Variants in UIMC1 observed in about 807,000 individuals in gnomAD.
UIMC1 encodes the protein ubiquitin interaction motif containing 1, also known as BRCA1-A complex subunit RAP80.
Under a neutral mutation model 84.9 loss-of-function variants are expected in UIMC1, and 42 were observed. That is an observed-to-expected ratio of 0.49 (90% CI 0.39 to 0.64). The LOEUF (loss-of-function observed/expected upper bound fraction) is 0.64. UIMC1 is among the 30% of genes least tolerant of loss of function. UIMC1 has a pLI of 0.00. For synonymous variants in UIMC1, 281 were observed against 293.0 expected, an observed-to-expected ratio of 0.96 and a Z score of 0.42; for missense variants, 825 against 847.6, an observed-to-expected ratio of 0.97 and a Z score of 0.33.
rs147454496 is a variant in UIMC1, at chr5:176,943,414, C to T, written c.1518G>A (p.Pro506=). Residue 506 remains proline, a synonymous_variant, in exon 10 of 15, where the codon CCG becomes CCA. Coordinates refer to ENST00000511320, the MANE Select transcript of UIMC1 (RefSeq NM_001199298.2). ...TFSSSNQVSC[P]LCDQCFPPTK... ...TGGGTGGAAAGCATTGGTCACATAG[C>T]GGGCAGGATACCTGGTTACTGGATG... 18 of 1,614,044 alleles carry T rather than the reference C, an allele frequency of 1.1e-5. No individual in the cohort carries two copies. Among genetic ancestry groups the T allele is most frequent in the South Asian group, 7.7e-5 (7 of 91,088 alleles).
intron 10 of UIMC1, among the ~76,000 whole-genome samples, chr5:176,914,799 G>C (rs535362479): frequency 6.6e-6 from 1 of 152,336 alleles, no homozygotes; most frequent in Non-Finnish European, 1.5e-5. Flanking sequence ...TTCCAATGCA[G>C]AGATTTTATA....
At chr5:176,991,101 A>C (rs1772774700) in intron 1 of UIMC1, among the ~76,000 whole-genome samples, 1 of 151,864 alleles carries the variant, frequency 6.6e-6, no homozygotes, top group Admixed American at 6.6e-5. Context: ...TCTGCCTCCC[A>C]GGTTCACACC....
At chr5:176,994,497 C>A in intron 1 of UIMC1, among the ~76,000 whole-genome samples, 1 of 128,486 alleles carries the variant, frequency 7.8e-6, no homozygotes. Context: ...CTTTGGAAAA[C>A]TGGCAGTTTC....
chr5:176,923,916 CACACACACACAG>C (rs1243152233), intron 10 of UIMC1, among the ~76,000 whole-genome samples: 11 of 150,046 alleles, frequency 7.3e-5, no homozygotes, highest in African/African-American at 2.5e-4. Flanking sequence ...CACACACACA[CACACACACACAG>C]ACACACACAC....
At chr5:176,932,238 G>A (rs1216274731) in intron 10 of UIMC1, among the ~76,000 whole-genome samples, 1 of 152,174 alleles carries the variant, frequency 6.6e-6, no homozygotes, top group Non-Finnish European at 1.5e-5. Flanking sequence ...CTTTATAGCT[G>A]ATAAGACCTA....
At chr5:176,967,019 T>C (rs1230491950) in intron 6 of UIMC1, among the ~76,000 whole-genome samples, 1 of 152,122 alleles carries the variant, frequency 6.6e-6, no homozygotes, top group Non-Finnish European at 1.5e-5. Flanking sequence ...CTGGCAAAGA[T>C]CAAGAAGTCT....
intron 1 of UIMC1, among the ~76,000 whole-genome samples, chr5:177,018,265 G>A (rs973566212): frequency 3.3e-5 from 5 of 151,686 alleles, no homozygotes; most frequent in African/African-American, 9.7e-5. Context: ...GCGGAGAATT[G>A]TTTGAACCTG....
At chr5:176,957,994 C>T (rs922907644) in intron 7 of UIMC1, 99 bp downstream of exon 7, 1 of 1,116,728 alleles carries the variant, frequency 9.0e-7, no homozygotes, top group African/African-American at 1.6e-5. Flanking sequence ...GCTAAAAGTT[C>T]TCTGGCAAGC....
chr5:176,989,161 G>A (rs1266314752), intron 1 of UIMC1, among the ~76,000 whole-genome samples: 1 of 151,896 alleles, frequency 6.6e-6, no homozygotes, highest in Non-Finnish European at 1.5e-5. Context: ...ATTATCAGAA[G>A]TAGTCTGTAC....
intron 10 of UIMC1, 82 bp from the exon 11 acceptor site, chr5:176,911,471 G>A: frequency 3.0e-6 from 3 of 1,016,728 alleles, no homozygotes; most frequent in Non-Finnish European, 3.9e-6. Context: ...TGCACAGGAA[G>A]AAGCAAAGTT....
At chr5:177,010,251 C>G (rs1224549953), upstream of UIMC1, among the ~76,000 whole-genome samples, 1 of 152,112 alleles carries the variant, frequency 6.6e-6, no homozygotes, top group African/African-American at 2.4e-5. Context: ...CATGTATCAT[C>G]ACGCATAGAC....
In UIMC1 at chr5:176,911,162, AAAG is replaced by A. The variant is rs751857574; in HGVS notation, c.1676+146_1676+148del. On this transcript the variant is annotated intron_variant, in intron 11 of 14. Transcript: ENST00000511320. The stretch of plus-strand genomic sequence containing the variant: ...AAAGAAAAGAAAAGAAAAGAAAAGA[AAAG>A]AAAAGAAAAGAAAATTCAGGCATCC... The A allele has an allele frequency of 2.6e-5, 8 of 311,558 alleles. 1 individual carries two copies. Among genetic ancestry groups the A allele is most frequent in the Non-Finnish European group, 4.3e-5 (8 of 186,338 alleles). The allele number at this position is 311,558 out of a possible 1,614,324, so 19.3% of individuals were successfully genotyped here. A position where few individuals can be genotyped will look rare whatever the true frequency, so the allele number is the denominator to read the frequency against.
intron 5 of UIMC1, 89 bp downstream of exon 5, chr5:176,969,512 G>C (rs574582617): frequency 9.4e-6 from 13 of 1,378,218 alleles, no homozygotes; most frequent in East Asian, 2.3e-5. Flanking sequence ...AAAGGATCTG[G>C]GGTATTTCCG....
chr5:177,006,923 A>G (rs897512124), upstream of UIMC1, among the ~76,000 whole-genome samples: 4 of 152,224 alleles, frequency 2.6e-5, no homozygotes, highest in African/African-American at 9.6e-5. Context: ...GGGGAAAGCA[A>G]GGAGTAACAA....
rs538767133 is a variant in UIMC1 at position 176,963,966 on chromosome 5, C to A, written c.1200+4589G>T. On this transcript the variant is annotated intron_variant, in intron 6 of 14. Transcript: ENST00000511320. ...CTTGTCATAATGCTCTCAAGGTGATCTACAGGCCTTCATTAGCAACTTTAT... is the reference window on the plus strand; with the variant it reads ...CTTGTCATAATGCTCTCAAGGTGATATACAGGCCTTCATTAGCAACTTTAT... 1.7e-4 allele frequency among the ~76,000 whole-genome samples: 26 copies of A among 152,260 alleles called. 1 individual carries two copies. Among genetic ancestry groups the A allele is most frequent in the Admixed American group, 4.6e-4 (7 of 15,290 alleles).
In UIMC1 at chr5:176,942,512, G is replaced by A. The variant is rs576292295; in HGVS notation, c.1597+823C>T. Among the ~76,000 whole-genome samples the A allele has an allele frequency of 4.6e-5, 7 of 152,148 alleles. No individual in the cohort carries two copies. The East Asian group carries it at 1.2e-3, about 25-fold the overall frequency. On this transcript the variant is annotated intron_variant, in intron 10 of 14. Transcript: ENST00000511320. ...AATCCCAACACTTTGGGAGGCCGAG[G>A]CAGGTGGATCACGAGGTCAGGAGAT...
chr5:177,010,713 G>A (rs1264771283), upstream of UIMC1, among the ~76,000 whole-genome samples: 2 of 152,046 alleles, frequency 1.3e-5, no homozygotes, highest in Non-Finnish European at 1.5e-5. Flanking sequence ...AGTAGAGATT[G>A]GGTTTCACCA....
intron 10 of UIMC1, among the ~76,000 whole-genome samples, chr5:176,917,513 A>T (rs534420012): frequency 1.6e-3 from 247 of 152,332 alleles, no homozygotes; most frequent in African/African-American, 5.7e-3. Flanking sequence ...CGGAGGTTGC[A>T]GTGAGCCAAG....
At chr5:177,001,501 C>T (rs1469790788) in intron 1 of UIMC1, 1 of 151,970 alleles carries the variant, frequency 6.6e-6, no homozygotes, top group Non-Finnish European at 1.5e-5. Flanking sequence ...TTTTCTTCAA[C>T]CTTTGGGAGC....
Sources: allele counts gnomAD v4.1 joint callset (sites outside exome capture counted in the v4.1 genomes callset), GRCh38; gene constraint gnomAD v4.1.1; transcripts MANE v1.5; gene names NCBI Gene and HGNC (gene_info 2026-07-23, HGNC 2026-07-21).